The following FAM222B variants were observed in gnomAD, a reference collection of about 807,000 sequenced individuals.
FAM222B encodes the protein protein FAM222B.
FAM222B carries 12 observed loss-of-function variants against 38.0 expected under a neutral mutation model. The ratio of observed to expected loss-of-function variants is 0.32; its 90% confidence interval spans 0.20 to 0.51. The LOEUF (loss-of-function observed/expected upper bound fraction) is 0.51, where lower values mean the gene tolerates loss of function less well. Ranked by LOEUF, FAM222B falls within the 20% of genes least tolerant of loss-of-function variation. FAM222B has a pLI of 0.97. For synonymous variants in FAM222B, 329 were observed against 317.2 expected, an observed-to-expected ratio of 1.04 and a Z score of -0.40; for missense variants, 716 against 754.2, an observed-to-expected ratio of 0.95 and a Z score of 0.59.
chr17:28,781,034 G>A (rs2036145922), intron 1 of FAM222B, among the ~76,000 whole-genome samples: 1 of 152,082 alleles, frequency 6.6e-6, no homozygotes, highest in Admixed American at 6.6e-5. Flanking sequence ...ATTAAGAAAT[G>A]GGAATAGAAC....
chr17:28,840,450 G>C (rs975118355), intron 1 of FAM222B, among the ~76,000 whole-genome samples: 3 of 152,020 alleles, frequency 2.0e-5, no homozygotes, highest in African/African-American at 2.4e-5. Context: ...TAAAAAACAC[G>C]TCTCAGGAGT....
At chr17:28,786,869 T>C (rs995850568) in intron 1 of FAM222B, among the ~76,000 whole-genome samples, 4 of 151,042 alleles carry the variant, frequency 2.6e-5, no homozygotes, top group African/African-American at 7.3e-5. Context: ...GTTTTACTTA[T>C]AGCTAACACA....
At chr17:28,845,709 C>T (rs1344430120), upstream of FAM222B, among the ~76,000 whole-genome samples, 2 of 151,692 alleles carry the variant, frequency 1.3e-5, no homozygotes, top group Non-Finnish European at 2.9e-5. Flanking sequence ...TTCTGGCTAA[C>T]ACGGTGAAAC....
At chr17:28,791,012 C>A (rs1262360606) in intron 1 of FAM222B, among the ~76,000 whole-genome samples, 1 of 148,956 alleles carries the variant, frequency 6.7e-6, no homozygotes, top group East Asian at 2.0e-4. Flanking sequence ...CATTCTCCTG[C>A]CTGAGCCTCC....
At chr17:28,769,335 T>C (rs543704109) in intron 1 of FAM222B, among the ~76,000 whole-genome samples, 4 of 152,138 alleles carry the variant, frequency 2.6e-5, no homozygotes, top group East Asian at 1.9e-4. Flanking sequence ...CCTGCCACCA[T>C]GCCCGGATAA....
intron 1 of FAM222B, chr17:28,834,852 C>G (rs2038783824): frequency 6.9e-6 from 1 of 145,386 alleles, no homozygotes; most frequent in Non-Finnish European, 1.5e-5. Context: ...AAAAAAAAGT[C>G]AATTTTTTTT....
intron 1 of FAM222B, among the ~76,000 whole-genome samples, chr17:28,820,918 G>A (rs1376898009): frequency 6.6e-6 from 1 of 151,378 alleles, no homozygotes; most frequent in African/African-American, 2.4e-5. Flanking sequence ...GGGATTACAG[G>A]AGTGAGCCAC....
At chr17:28,782,487 T>C (rs1483846741) in intron 1 of FAM222B, among the ~76,000 whole-genome samples, 3 of 152,028 alleles carry the variant, frequency 2.0e-5, no homozygotes, top group Admixed American at 1.3e-4. Flanking sequence ...AGGAGGAAAA[T>C]GGTTACATAA....
intron 1 of FAM222B, among the ~76,000 whole-genome samples, chr17:28,773,255 T>C (rs981175817): frequency 1.3e-5 from 2 of 151,658 alleles, no homozygotes; most frequent in African/African-American, 4.8e-5. Context: ...GACGGGTGGA[T>C]TACCTGAGGT....
In FAM222B at chr17:28,759,077, G is replaced by A. The variant is rs563800134; in HGVS notation, c.882C>T (p.Asn294=). The A allele has an allele frequency of 3.1e-6, 5 of 1,612,090 alleles. No individual in the cohort carries two copies. The Admixed American group carries it at 5.0e-5, about 16-fold the overall frequency. The part of the protein sequence containing the change: ...TTSVCEGQIA[N]PSPISRSLLI... ...GCAGACTGCGACTAATGGGGCTGGG[G>A]TTGGCGATCTGGCCCTCACACACTG... The change falls in exon 3 of 3, where the codon AAC becomes AAT. Residue 294 remains asparagine (N), a synonymous_variant. Coordinates refer to ENST00000581407, the MANE Select transcript of FAM222B (RefSeq NM_001077498.3). This position sits in a 1 kb window ranked among gnomAD's most constrained non-coding sequence, Gnocchi z 4.8.
At chr17:28,768,560 G>C (rs1422644238) in intron 1 of FAM222B, among the ~76,000 whole-genome samples, 1 of 152,036 alleles carries the variant, frequency 6.6e-6, no homozygotes, top group Non-Finnish European at 1.5e-5. Context: ...GTCTTGGCCG[G>C]GCACGGTGGC....
intron 1 of FAM222B, among the ~76,000 whole-genome samples, chr17:28,774,837 G>A (rs1176766224): frequency 6.6e-6 from 1 of 151,784 alleles, no homozygotes; most frequent in Non-Finnish European, 1.5e-5. Flanking sequence ...AGCTACTCAG[G>A]AGGCTGAGGC....
chr17:28,851,886 A>C (rs1375535357), intron 1 of FAM222B, among the ~76,000 whole-genome samples: 1 of 151,258 alleles, frequency 6.6e-6, no homozygotes, highest in African/African-American at 2.4e-5. Flanking sequence ...AAAAAAAAAA[A>C]AAACCAAAAA....
At chr17:28,764,814 C>A (rs561967165) in intron 2 of FAM222B, among the ~76,000 whole-genome samples, 2 of 151,932 alleles carry the variant, frequency 1.3e-5, no homozygotes, top group African/African-American at 4.8e-5. Flanking sequence ...CCAATTTGCC[C>A]GTCCTCCAAA....
chr17:28,791,301 T>C (rs1172647726), intron 1 of FAM222B, among the ~76,000 whole-genome samples: 2 of 152,066 alleles, frequency 1.3e-5, no homozygotes, highest in Non-Finnish European at 2.9e-5. Context: ...TTAGCAACTA[T>C]TCTCATTTAT....
intron 1 of FAM222B, among the ~76,000 whole-genome samples, chr17:28,816,961 G>A (rs1388367969): frequency 6.6e-6 from 1 of 151,794 alleles, no homozygotes; most frequent in Non-Finnish European, 1.5e-5. Flanking sequence ...ATAAAATCTG[G>A]GATTTTGTTT....
chr17:28,834,384 T>C (rs2038768547), intron 1 of FAM222B: 1 of 100,450 alleles, frequency 1.0e-5, no homozygotes, highest in Admixed American at 1.1e-4. Context: ...TTCCAACCCA[T>C]CTCTCACCTC....
At position 28,759,830 on chromosome 17, in the gene FAM222B, G is replaced by A. The variant is rs1395564860; in HGVS notation, c.129C>T (p.Ala43=). 5 of 1,578,054 alleles carry A rather than the reference G, an allele frequency of 3.2e-6. No individual in the cohort carries two copies. Among genetic ancestry groups the A allele is most frequent in the South Asian group, 1.2e-5 (1 of 86,158 alleles). ...KMRTAHYPTP[A]ELDAYAKKVA... ...CCTTCTTAGCATACGCATCCAATTC[G>A]GCTGGGGTAGGATAGTGAGCAGTTC... is the stretch of plus-strand genomic sequence containing the variant. Residue 43 remains alanine, a synonymous_variant, in exon 3 of 3, where the codon GCC becomes GCT. Coordinates refer to ENST00000581407, the MANE Select transcript of FAM222B (RefSeq NM_001077498.3). This position sits in a 1 kb window ranked among gnomAD's most constrained non-coding sequence, Gnocchi z 4.8.
upstream of FAM222B, among the ~76,000 whole-genome samples, chr17:28,847,138 G>A (rs561475969): frequency 1.3e-5 from 2 of 151,278 alleles, no homozygotes; most frequent in East Asian, 1.9e-4. Flanking sequence ...CAGGAAAATC[G>A]CTTGAACCCC....
Sources: gnomAD v4.1 joint callset for allele counts (sites outside exome capture counted in the v4.1 genomes callset) on GRCh38, gnomAD v4.1.1 for gene constraint, Gnocchi (gnomAD v3.1) non-coding constraint, MANE v1.5 for transcripts, NCBI Gene and HGNC (gene_info 2026-07-23, HGNC 2026-07-21) for gene names.